Variants in CCDC42 observed in about 807,000 individuals in gnomAD.
CCDC42 encodes coiled-coil domain-containing protein 42.
In CCDC42, 38 loss-of-function variants were observed where a neutral mutation model predicts 40.8. The observed-to-expected ratio is 0.93, with a 90% confidence interval of 0.72 to 1.22. CCDC42 has a LOEUF of 1.22. Ranked by LOEUF, CCDC42 falls within the 50% of genes most tolerant of loss-of-function variation. CCDC42 has a pLI of 0.00. For synonymous variants in CCDC42, 135 were observed against 157.5 expected, an observed-to-expected ratio of 0.86 and a Z score of 1.07; for missense variants, 379 against 416.5, an observed-to-expected ratio of 0.91 and a Z score of 0.78.
chr17:8,738,252 A>T (rs2086623167), intron 4 of CCDC42, among the ~76,000 whole-genome samples: 1 of 152,202 alleles, frequency 6.6e-6, no homozygotes, highest in Admixed American at 6.5e-5. Flanking sequence ...TACTGCAGAG[A>T]GACGCAAATG....
intron 4 of CCDC42, 130 bp downstream of exon 4, chr17:8,741,344 C>T: frequency 1.1e-6 from 1 of 914,754 alleles, no homozygotes; most frequent in Non-Finnish European, 1.7e-6. Flanking sequence ...CTGCAGAGCT[C>T]CTGGGGCCCA....
Position 8,741,452 on chromosome 17 carries a change from C to G in CCDC42, c.492+22G>C, listed in dbSNP as rs58626209. 6,288 of 1,607,356 alleles carry G rather than the reference C, an allele frequency of 3.9e-3. 174 individuals are homozygous for G. The African/African-American group carries it at 0.054, about 14-fold the overall frequency. On this transcript the variant is annotated intron_variant, in intron 4 of 6. Transcript: ENST00000293845. The stretch of plus-strand genomic sequence containing the variant: ...GGGCTGAGGAAGGTGCCAGGGCCGG[C>G]CCCCCTGCTCCTTGGACTCACCTCG...
intron 6 of CCDC42, among the ~76,000 whole-genome samples, chr17:8,733,152 GC>G (rs2086590909): frequency 6.6e-6 from 1 of 152,150 alleles, no homozygotes; most frequent in South Asian, 2.1e-4. Flanking sequence ...CAGGTTACCA[GC>G]AAGCTCAGAA....
intron 6 of CCDC42, among the ~76,000 whole-genome samples, chr17:8,733,991 G>C: frequency 7.2e-6 from 1 of 138,952 alleles, no homozygotes; most frequent in African/African-American, 2.5e-5. Context: ...TGAGCACACA[G>C]TGGCATTTCC....
chr17:8,741,476 C>T lies in CCDC42; in HGVS notation c.490G>A (p.Glu164Lys), dbSNP rs747121502. ...GCCCCCCTGCTCCTTGGACTCACCT[C>T]GGAGTTCTCCACCACCTTCTCTAGG... ...KYLEKVVENS[E>K]FEEIHEVIAR... The change falls in exon 4 of 7, where the codon GAG (glutamate) becomes AAG (lysine). Residue 164 changes from glutamate (E) to lysine (K), a missense_variant and splice_region_variant. Physicochemically the swap from Glu to Lys is moderately conservative, Grantham distance 56. Transcript: ENST00000293845. 34 of 1,614,026 alleles carry T rather than the reference C, an allele frequency of 2.1e-5. No homozygotes were observed. The highest frequency in any genetic ancestry group is 2.7e-5 in the Non-Finnish European group (32 of 1,179,998).
chr17:8,738,153 T>C (rs976786831), intron 4 of CCDC42, among the ~76,000 whole-genome samples: 1 of 152,136 alleles, frequency 6.6e-6, no homozygotes, highest in Non-Finnish European at 1.5e-5. Context: ...GATACTGATA[T>C]TTGATGTTAA....
intron 6 of CCDC42, among the ~76,000 whole-genome samples, chr17:8,734,067 G>A (rs928482890): frequency 6.6e-6 from 1 of 152,114 alleles, no homozygotes; most frequent in Non-Finnish European, 1.5e-5. Context: ...CATGAGCACC[G>A]GCCTGTCCTC....
chr17:8,732,894 C>G (rs1254987980), intron 6 of CCDC42, among the ~76,000 whole-genome samples: 1 of 152,136 alleles, frequency 6.6e-6, no homozygotes, highest in Non-Finnish European at 1.5e-5. Flanking sequence ...TTGACTTGGC[C>G]TTCTGCAGAA....
chr17:8,731,972 G>A (rs2086583442), intron 6 of CCDC42, among the ~76,000 whole-genome samples: 1 of 151,654 alleles, frequency 6.6e-6, no homozygotes, highest in African/African-American at 2.4e-5. Context: ...AGACCATCCT[G>A]ACTAACACAG....
At chr17:8,744,459 G>A in intron 1 of CCDC42, 68 bp downstream of exon 1, 1 of 1,270,704 alleles carries the variant, frequency 7.9e-7, no homozygotes, top group Non-Finnish European at 1.1e-6. Flanking sequence ...GTTGGAAGAT[G>A]AGGTATGGGG....
chr17:8,744,168 C>T lies in CCDC42; in HGVS notation c.100G>A (p.Glu34Lys), dbSNP rs751398676. Residue 34 changes from glutamate (E) to lysine (K), a missense_variant, in exon 2 of 7, where the codon GAG becomes AAG. Transcript: ENST00000293845. ...ATGGATGGGGACTCCGACGCCCCCT[C>T]AACATTGGGGAGTTTCCTGTCCAAG... ...LQMLQKLPNV[E>K]GASESPSIWL... 4 of 1,613,612 alleles carry T rather than the reference C, an allele frequency of 2.5e-6. No homozygotes were observed. The South Asian group carries it at 3.3e-5, about 13-fold the overall frequency.
intron 6 of CCDC42, among the ~76,000 whole-genome samples, chr17:8,730,968 T>C (rs548510756): frequency 3.9e-5 from 6 of 152,276 alleles, no homozygotes; most frequent in African/African-American, 1.4e-4. Flanking sequence ...CCTTGAGTCA[T>C]GAAAAGGAAT....
chr17:8,734,059 T>C (rs2086595918), intron 6 of CCDC42, among the ~76,000 whole-genome samples: 1 of 152,212 alleles, frequency 6.6e-6, no homozygotes, highest in African/African-American at 2.4e-5. Context: ...GGAGTGGACA[T>C]GAGCACCGGC....
intron 4 of CCDC42, among the ~76,000 whole-genome samples, chr17:8,736,026 G>A (rs567272517): frequency 6.6e-6 from 1 of 152,314 alleles, no homozygotes; most frequent in African/African-American, 2.4e-5. Flanking sequence ...AATCGCTGAT[G>A]GAAGGCATTT....
At position 8,735,415 on chromosome 17, in the gene CCDC42, C is replaced by A; in HGVS notation, c.689G>T (p.Arg230Leu). Reference sequence around the variant, plus strand: ...CCAGAAGATGACATTGCTGCGGGCACGGTCAAAGCGCATCTGCAGCCTTGC... The same window carrying A: ...CCAGAAGATGACATTGCTGCGGGCAAGGTCAAAGCGCATCTGCAGCCTTGC... ...ELARLQMRFD[R>L]ARSNVIFWES... Residue 230 changes from arginine to leucine, a missense_variant, in exon 5 of 7, where the codon CGT (arginine) becomes CTT (leucine). Arg to Leu is a moderately radical substitution (Grantham distance 102). Coordinates refer to ENST00000293845, the MANE Select transcript of CCDC42 (RefSeq NM_144681.3). The surrounding 1 kb of genome is among the most constrained non-coding windows in gnomAD (Gnocchi z 4.7). The A allele has an allele frequency of 6.2e-7, 1 of 1,613,934 alleles. No homozygotes were observed.
chr17:8,743,585 T>A, intron 3 of CCDC42, 41 bp downstream of exon 3: 1 of 1,166,160 alleles, frequency 8.6e-7, no homozygotes, highest in East Asian at 2.3e-5. Flanking sequence ...CTGCGGACTA[T>A]GGATCCCCTG....
chr17:8,741,548 G>T lies in CCDC42; in HGVS notation c.418C>A (p.Gln140Lys). Residue 140 changes from glutamine to lysine, a missense_variant, in exon 4 of 7, where the codon CAG becomes AAG. By Grantham distance (53) the Gln-to-Lys change is moderately conservative (BLOSUM62 1). Coordinates refer to ENST00000293845, the MANE Select transcript of CCDC42 (RefSeq NM_144681.3). ...TCCTTCAGCTTGGCGCTCAGCCGCT[G>T]GTGCTCCAGCCGCAGCGCCACCATC... ...QEMVALRLEH[Q>K]RLSAKLKDYY... The T allele has an allele frequency of 6.2e-7, 1 of 1,614,228 alleles. No individual in the cohort carries two copies. Among genetic ancestry groups the T allele is most frequent in the Non-Finnish European group, 8.5e-7 (1 of 1,180,044 alleles).
chr17:8,739,637 G>A (rs2151139417), intron 4 of CCDC42, among the ~76,000 whole-genome samples: 1 of 152,228 alleles, frequency 6.6e-6, no homozygotes, highest in Non-Finnish European at 1.5e-5. Flanking sequence ...CCGCCTCCTG[G>A]GTTCAAGCAA....
At chr17:8,742,170 AG>A (rs1489586863) in intron 3 of CCDC42, among the ~76,000 whole-genome samples, 1 of 152,154 alleles carries the variant, frequency 6.6e-6, no homozygotes, top group Non-Finnish European at 1.5e-5. Flanking sequence ...ATGGAGCAGA[AG>A]GACCACTCCC....
Sources: allele counts gnomAD v4.1 joint callset (sites outside exome capture counted in the v4.1 genomes callset), GRCh38; gene constraint gnomAD v4.1.1; non-coding constraint Gnocchi (gnomAD v3.1); transcripts MANE v1.5; gene names NCBI Gene and HGNC (gene_info 2026-07-23, HGNC 2026-07-21).